The following RBFOX1 variants were observed in gnomAD, a reference collection of about 807,000 sequenced individuals.
RBFOX1 encodes the protein RNA binding fox-1 homolog 1.
RBFOX1 carries 8 observed loss-of-function variants against 57.7 expected under a neutral mutation model. The observed-to-expected ratio is 0.14, with a 90% CI of 0.08 to 0.25. The LOEUF (loss-of-function observed/expected upper bound fraction) is 0.25. Ranked by LOEUF, RBFOX1 falls within the 10% of genes least tolerant of loss-of-function variation. The pLI, the probability that RBFOX1 is intolerant of heterozygous loss-of-function variation, is 1.00. For synonymous variants in RBFOX1, 326 were observed against 222.4 expected, an observed-to-expected ratio of 1.47 and a Z score of -4.15; for missense variants, 611 against 548.5, an observed-to-expected ratio of 1.11 and a Z score of -1.14.
chr16:6,025,104 G>T (rs750793107), intron 1 of RBFOX1, among the ~76,000 whole-genome samples: 7 of 152,182 alleles, frequency 4.6e-5, no homozygotes, highest in Admixed American at 1.3e-4. Context: ...GAGATACCAG[G>T]ATATATTTAT....
chr16:6,451,951 T>C (rs770747526), intron 2 of RBFOX1, among the ~76,000 whole-genome samples: 2 of 149,812 alleles, frequency 1.3e-5, no homozygotes, highest in Non-Finnish European at 3.0e-5. Context: ...CTCCCATGAG[T>C]CCACCCATGG....
intron 4 of RBFOX1, among the ~76,000 whole-genome samples, chr16:7,060,046 C>T (rs909550839): frequency 9.9e-5 from 15 of 152,104 alleles, no homozygotes; most frequent in African/African-American, 3.1e-4. Context: ...AGATTCTTTT[C>T]AATGTGTCTT....
intron 1 of RBFOX1, among the ~76,000 whole-genome samples, chr16:6,202,305 C>G (rs1262439265): frequency 1.3e-5 from 2 of 152,130 alleles, no homozygotes; most frequent in Non-Finnish European, 2.9e-5. Context: ...CAAAACTTGT[C>G]TAGGAAGACC....
At chr16:5,969,291 G>A (rs544383942) in intron 4 of RBFOX1, among the ~76,000 whole-genome samples, 10 of 136,170 alleles carry the variant, frequency 7.3e-5, no homozygotes, top group East Asian at 2.1e-4. Flanking sequence ...GATTATTTTC[G>A]GTTGTTCTTT....
intron 1 of RBFOX1, among the ~76,000 whole-genome samples, chr16:6,197,217 C>T (rs189606620): frequency 7.9e-5 from 12 of 152,118 alleles, no homozygotes; most frequent in Admixed American, 7.2e-4. Flanking sequence ...CCTCTGGTGG[C>T]CCCCAAGCAT....
chr16:6,967,667 C>G (rs190625877), intron 3 of RBFOX1, among the ~76,000 whole-genome samples: 1 of 152,000 alleles, frequency 6.6e-6, no homozygotes, highest in South Asian at 2.1e-4. Flanking sequence ...TTATATTGCT[C>G]TTCTAAGGGC....
chr16:5,425,065 TTATCTATCTATC>T (rs71280727), intron 1 of RBFOX1, among the ~76,000 whole-genome samples: 7,909 of 68,462 alleles, frequency 0.12, 375 homozygotes, highest in South Asian at 0.16. Context: ...CCTTCCTTTC[TTATCTATCTATC>T]TATCTATCTA....
At chr16:7,132,643 T>A (rs1267440447) in intron 4 of RBFOX1, among the ~76,000 whole-genome samples, 1 of 151,948 alleles carries the variant, frequency 6.6e-6, no homozygotes, top group Non-Finnish European at 1.5e-5. Context: ...GGAATAGTAT[T>A]CAGCCCTGAA....
intron 3 of RBFOX1, among the ~76,000 whole-genome samples, chr16:5,626,497 C>T (rs57190358): frequency 0.068 from 10,297 of 152,192 alleles, 1,132 homozygotes; most frequent in African/African-American, 0.23. Flanking sequence ...GAGCTCCTGG[C>T]GGTTAGGACT....
rs184296523 is a variant in RBFOX1 at position 5,822,374 on chromosome 16, C to G, written c.319-44929C>G. ...GGGTGTGGCAGGTTCTCACAAATCT[C>G]CACTAAATAACTTACTCATGTAACC... On this transcript the variant is annotated intron_variant, in intron 3 of 19. Coordinates refer to the RBFOX1 transcript ENST00000641259. Among the ~76,000 whole-genome samples, 11 of 152,218 alleles carry G rather than the reference C, an allele frequency of 7.2e-5. No homozygotes were observed. In the East Asian group the frequency reaches 2.1e-3, roughly 29 times the overall value.
chr16:7,055,948 C>G (rs1712687326), intron 4 of RBFOX1, among the ~76,000 whole-genome samples: 1 of 152,160 alleles, frequency 6.6e-6, no homozygotes. Context: ...CAGATGATTT[C>G]TCTGCCAACA....
intron 4 of RBFOX1, among the ~76,000 whole-genome samples, chr16:7,341,980 G>A (rs1283624203): frequency 1.3e-5 from 2 of 152,040 alleles, no homozygotes; most frequent in Non-Finnish European, 2.9e-5. Flanking sequence ...TCTTTAATCT[G>A]TATTGGCTCC....
chr16:6,652,874 T>A (rs1386262127), intron 2 of RBFOX1, among the ~76,000 whole-genome samples: 2 of 152,190 alleles, frequency 1.3e-5, no homozygotes, highest in Non-Finnish European at 2.9e-5. Flanking sequence ...GCCCCAGAAC[T>A]GTGCACCTAC....
intron 4 of RBFOX1, among the ~76,000 whole-genome samples, chr16:7,177,086 T>C (rs2081821534): frequency 6.6e-6 from 1 of 152,224 alleles, no homozygotes; most frequent in Non-Finnish European, 1.5e-5. Flanking sequence ...CATAAAAAGC[T>C]GGTTCGGAGA....
intron 3 of RBFOX1, among the ~76,000 whole-genome samples, chr16:5,843,122 A>T (rs112717506): frequency 1.3e-5 from 2 of 152,144 alleles, no homozygotes; most frequent in African/African-American, 2.4e-5. Context: ...CCACCACGCC[A>T]GGCCTATTAT....
chr16:5,356,311 A>C (rs2065387188), intron 1 of RBFOX1, among the ~76,000 whole-genome samples: 1 of 152,250 alleles, frequency 6.6e-6, no homozygotes, highest in South Asian at 2.1e-4. Context: ...TCTAGGCTAC[A>C]GAACTGTGAG....
At chr16:7,115,050 C>T (rs998460926) in intron 4 of RBFOX1, among the ~76,000 whole-genome samples, 5 of 152,182 alleles carry the variant, frequency 3.3e-5, no homozygotes, top group Admixed American at 1.3e-4. Context: ...CTTCAACTCA[C>T]TGAGTTTGTG....
intron 3 of RBFOX1, among the ~76,000 whole-genome samples, chr16:6,705,960 G>A (rs2062664744): frequency 6.6e-6 from 1 of 152,180 alleles, no homozygotes; most frequent in Non-Finnish European, 1.5e-5. Flanking sequence ...GGAGGCTACA[G>A]TGAGTTAAGA....
chr16:6,649,528 C>T (rs1159659674), intron 2 of RBFOX1, among the ~76,000 whole-genome samples: 1 of 152,186 alleles, frequency 6.6e-6, no homozygotes, highest in Non-Finnish European at 1.5e-5. Context: ...CCGACACTTT[C>T]CCCTGAGTCC....
Sources: allele counts gnomAD v4.1 joint callset (sites outside exome capture counted in the v4.1 genomes callset), GRCh38; gene constraint gnomAD v4.1.1; transcripts MANE v1.5; gene names NCBI Gene and HGNC (gene_info 2026-07-23, HGNC 2026-07-21).